The following PDS5A variants were observed in gnomAD, a reference collection of about 807,000 sequenced individuals.
PDS5A encodes the protein PDS5 cohesin associated factor A.
Under a neutral mutation model 167.1 loss-of-function variants are expected in PDS5A, and 42 were observed. The ratio of observed to expected loss-of-function variants is 0.25; its 90% CI spans 0.20 to 0.33. The LOEUF (loss-of-function observed/expected upper bound fraction) is 0.33. Ranked by LOEUF, PDS5A falls within the 10% of genes least tolerant of loss-of-function variation. The pLI is 1.00. For missense variants in PDS5A, 1,033 were observed against 1,605.9 expected, an observed-to-expected ratio of 0.64 and a Z score of 6.10; for synonymous variants, 553 against 554.6, an observed-to-expected ratio of 1.00 and a Z score of 0.04.
chr4:39,878,608 C>CA (rs935915762), intron 18 of PDS5A, among the ~76,000 whole-genome samples: 1 of 150,814 alleles, frequency 6.6e-6, no homozygotes, highest in Non-Finnish European at 1.5e-5. Flanking sequence ...AACAAACAAA[C>CA]AAAAAAAAGC....
At chr4:39,875,719 T>C (rs1720406438) in intron 19 of PDS5A, among the ~76,000 whole-genome samples, 1 of 152,134 alleles carries the variant, frequency 6.6e-6, no homozygotes, top group African/African-American at 2.4e-5. Flanking sequence ...CTTGACTGAG[T>C]ATTGACTATG....
chr4:39,964,002 G>T (rs1428866472), intron 2 of PDS5A, among the ~76,000 whole-genome samples: 1 of 152,076 alleles, frequency 6.6e-6, no homozygotes, highest in Non-Finnish European at 1.5e-5. Flanking sequence ...TGCCTCCCAA[G>T]TTCAAGTGAT....
chr4:39,955,283 A>G (rs1390512368), intron 2 of PDS5A, among the ~76,000 whole-genome samples: 1 of 152,082 alleles, frequency 6.6e-6, no homozygotes, highest in Non-Finnish European at 1.5e-5. Context: ...TTTGAGTGAT[A>G]ATGTTGTGAT....
chr4:39,912,293 G>A (rs763138087), intron 9 of PDS5A, among the ~76,000 whole-genome samples: 6 of 152,180 alleles, frequency 3.9e-5, no homozygotes. Flanking sequence ...TATATTGGGT[G>A]ATTTCATTTT....
At chr4:39,902,889 C>T (rs1020978012) in intron 12 of PDS5A, among the ~76,000 whole-genome samples, 4 of 152,134 alleles carry the variant, frequency 2.6e-5, no homozygotes, top group African/African-American at 4.8e-5. Context: ...TATGTGTGCA[C>T]ATACAATGGA....
At chr4:39,905,055 G>A (rs1353951146) in intron 11 of PDS5A, among the ~76,000 whole-genome samples, 1 of 151,506 alleles carries the variant, frequency 6.6e-6, no homozygotes, top group Non-Finnish European at 1.5e-5. Flanking sequence ...TCCCAGCACT[G>A]TGGGAGGCCA....
intron 2 of PDS5A, among the ~76,000 whole-genome samples, chr4:39,949,714 T>TA (rs1445139794): frequency 6.9e-6 from 1 of 145,966 alleles, no homozygotes; most frequent in East Asian, 2.1e-4. Flanking sequence ...CACACCCGGC[T>TA]ACGCAGGAGG....
intron 2 of PDS5A, chr4:39,933,101 G>C (rs1726240327): frequency 6.6e-6 from 1 of 152,314 alleles, no homozygotes; most frequent in Non-Finnish European, 1.5e-5. Flanking sequence ...CCAGGAGGCA[G>C]AGATTGCAGT....
intron 17 of PDS5A, among the ~76,000 whole-genome samples, chr4:39,887,949 C>T (rs1721622166): frequency 6.6e-6 from 1 of 151,710 alleles, no homozygotes; most frequent in African/African-American, 2.4e-5. Flanking sequence ...CAAAAAAATC[C>T]AATTTAAAAG....
At chr4:39,925,696 CT>C (rs897823297) in intron 5 of PDS5A, 139 bp downstream of exon 5, 4 of 363,822 alleles carry the variant, frequency 1.1e-5, no homozygotes, top group African/African-American at 8.5e-5. Context: ...AGAATTTTTA[CT>C]TTCCCCTTTA....
intron 2 of PDS5A, among the ~76,000 whole-genome samples, chr4:39,947,455 A>T (rs369965955): frequency 6.7e-6 from 1 of 150,320 alleles, no homozygotes; most frequent in African/African-American, 2.4e-5. Context: ...GAAAGGGGGG[A>T]AAAAAAAGAG....
intron 2 of PDS5A, chr4:39,974,302 A>G: frequency 1.9e-6 from 1 of 534,954 alleles, no homozygotes; most frequent in South Asian, 1.4e-5. Flanking sequence ...CACAGGTTCC[A>G]TGAGTCATGT....
chr4:39,869,368 G>A, intron 22 of PDS5A, 26 bp downstream of exon 22: 2 of 1,349,640 alleles, frequency 1.5e-6, no homozygotes, highest in Non-Finnish European at 2.1e-6. Flanking sequence ...TAAACATGAA[G>A]ATTATCAAGG....
At chr4:39,928,200 C>T in intron 2 of PDS5A, 36 bp from the exon 3 acceptor site, 1 of 1,384,746 alleles carries the variant, frequency 7.2e-7, no homozygotes. Context: ...ATAATTAACT[C>T]CTGGAATTTA....
intron 2 of PDS5A, among the ~76,000 whole-genome samples, chr4:39,939,250 C>A (rs1726989831): frequency 6.6e-6 from 1 of 151,860 alleles, no homozygotes; most frequent in South Asian, 2.1e-4. Flanking sequence ...TCGCTTGAGC[C>A]CAAGTGTTGG....
intron 32 of PDS5A, among the ~76,000 whole-genome samples, chr4:39,836,074 T>A (rs1395284959): frequency 6.6e-6 from 1 of 152,204 alleles, no homozygotes; most frequent in Non-Finnish European, 1.5e-5. Flanking sequence ...CAATAACAGT[T>A]GGGCGTTTAT....
intron 11 of PDS5A, 50 bp downstream of exon 11, chr4:39,908,345 T>C: frequency 2.2e-6 from 3 of 1,366,156 alleles, no homozygotes; most frequent in East Asian, 2.3e-5. Flanking sequence ...CAATTGTATT[T>C]AGCAATTTAA....
Position 39,977,525 on chromosome 4 carries a change from C to G in PDS5A, c.-109G>C, listed in dbSNP as rs1362105480. 4 of 158,568 alleles carry G rather than the reference C, an allele frequency of 2.5e-5. No homozygotes were observed. Among genetic ancestry groups the G allele is most frequent in the Non-Finnish European group, 5.5e-5 (4 of 73,244 alleles). The allele number at this position is 158,568 out of a possible 1,614,324, so 9.8% of individuals were successfully genotyped here. A position where few individuals can be genotyped will look rare whatever the true frequency, so the allele number is the denominator to read the frequency against. On this transcript the variant is annotated 5_prime_UTR_variant, in exon 1 of 33. Transcript: ENST00000303538. This position sits in a 1 kb window ranked among gnomAD's most constrained non-coding sequence, Gnocchi z 4.2. ...CTGTCAGGTGGTTGCGCCGCCGCCC[C>G]TAGTCGGGCTGCACACAAAGCGGCT...
At chr4:39,869,590 G>C (rs1046006162) in intron 21 of PDS5A, 128 bp from the exon 22 acceptor site, 6 of 666,578 alleles carry the variant, frequency 9.0e-6, no homozygotes, top group Non-Finnish European at 5.3e-6. Context: ...ACCAGAGCTT[G>C]GAAAAGGACA....
Sources: gnomAD v4.1 joint callset for allele counts (sites outside exome capture counted in the v4.1 genomes callset) on GRCh38, gnomAD v4.1.1 for gene constraint, Gnocchi (gnomAD v3.1) non-coding constraint, MANE v1.5 for transcripts, NCBI Gene and HGNC (gene_info 2026-07-23, HGNC 2026-07-21) for gene names.